Variants in ADAMTSL1 observed in about 807,000 individuals in gnomAD.
The protein encoded by ADAMTSL1 is ADAMTS-like protein 1.
A neutral mutation model predicts 201.8 loss-of-function variants in ADAMTSL1; 126 were observed. That is an observed-to-expected ratio of 0.62 (90% confidence interval 0.54 to 0.72). The LOEUF (loss-of-function observed/expected upper bound fraction) is 0.72, where lower values mean the gene tolerates loss of function less well. ADAMTSL1 is among the 30% of genes least tolerant of loss of function. ADAMTSL1 has a pLI of 0.00. For synonymous variants in ADAMTSL1, 1,121 were observed against 903.4 expected (o/e 1.24, Z -4.32); for missense variants, 2,679 against 2,277.8 (o/e 1.18, Z -3.59).
intron 13 of ADAMTSL1, among the ~76,000 whole-genome samples, chr9:18,690,427 TCC>T (rs1831142814): frequency 1.3e-5 from 2 of 152,160 alleles, no homozygotes; most frequent in Non-Finnish European, 2.9e-5. Context: ...CATTTATGGG[TCC>T]ATATAGTGTT....
intron 25 of ADAMTSL1, among the ~76,000 whole-genome samples, chr9:18,891,746 C>T (rs1006283064): frequency 1.3e-5 from 2 of 152,196 alleles, no homozygotes; most frequent in Non-Finnish European, 2.9e-5. Flanking sequence ...CCAGACAAAA[C>T]CTTGACTTCA....
At chr9:18,882,196 C>G (rs114549934) in intron 23 of ADAMTSL1, among the ~76,000 whole-genome samples, 121 of 152,230 alleles carry the variant, frequency 7.9e-4, no homozygotes, top group African/African-American at 2.8e-3. Context: ...AAAATGAGGA[C>G]TATGAGAAAA....
chr9:18,188,251 A>G (rs1302955921), intron 2 of ADAMTSL1, among the ~76,000 whole-genome samples: 3 of 152,160 alleles, frequency 2.0e-5, no homozygotes, highest in Admixed American at 6.6e-5. Context: ...ATATGGTTCC[A>G]GAACATCCTT....
At chr9:18,742,262 T>C (rs1818875135) in intron 15 of ADAMTSL1, among the ~76,000 whole-genome samples, 1 of 152,178 alleles carries the variant, frequency 6.6e-6, no homozygotes, top group African/African-American at 2.4e-5. Context: ...GAGAAATACT[T>C]AGGTTTGTAG....
upstream of ADAMTSL1, among the ~76,000 whole-genome samples, chr9:18,472,521 A>G: frequency 6.6e-6 from 1 of 152,228 alleles, no homozygotes; most frequent in Middle Eastern, 3.2e-3. Context: ...GCATGAAAAT[A>G]GGATTTTTAA....
intron 2 of ADAMTSL1, among the ~76,000 whole-genome samples, chr9:18,382,529 G>A (rs1447426569): frequency 6.6e-6 from 1 of 151,906 alleles, no homozygotes; most frequent in Non-Finnish European, 1.5e-5. Flanking sequence ...AAGAGTGTGA[G>A]GAATGTTTGT....
chr9:17,917,753 T>C (rs1409421085), intron 1 of ADAMTSL1, among the ~76,000 whole-genome samples: 1 of 151,966 alleles, frequency 6.6e-6, no homozygotes, highest in Non-Finnish European at 1.5e-5. Context: ...CTCTATATGA[T>C]TTCTTCCTTA....
At chr9:18,589,938 T>A (rs1207806508) in intron 4 of ADAMTSL1, among the ~76,000 whole-genome samples, 1 of 152,194 alleles carries the variant, frequency 6.6e-6, no homozygotes, top group Non-Finnish European at 1.5e-5. Context: ...GTGAATGGTC[T>A]TTTTAATGTA....
intron 1 of ADAMTSL1, among the ~76,000 whole-genome samples, chr9:18,015,698 G>A (rs1454059876): frequency 6.6e-6 from 1 of 151,960 alleles, no homozygotes; most frequent in Non-Finnish European, 1.5e-5. Context: ...TGGACTGAGG[G>A]CTGCCTGACC....
intron 2 of ADAMTSL1, among the ~76,000 whole-genome samples, chr9:18,295,364 G>C (rs1263843093): frequency 4.6e-5 from 7 of 150,704 alleles, no homozygotes; most frequent in Non-Finnish European, 1.5e-5. Flanking sequence ...TTTTTAGACA[G>C]AGTATCACTC....
At chr9:18,334,760 A>C (rs1350684500) in intron 2 of ADAMTSL1, among the ~76,000 whole-genome samples, 1 of 152,184 alleles carries the variant, frequency 6.6e-6, no homozygotes. Context: ...AAATAGAATA[A>C]AGACTTCTCT....
At chr9:18,417,023 A>C (rs1818705875) in intron 2 of ADAMTSL1, among the ~76,000 whole-genome samples, 1 of 152,054 alleles carries the variant, frequency 6.6e-6, no homozygotes, top group Non-Finnish European at 1.5e-5. Flanking sequence ...CTGGGCCATA[A>C]AACAACTTTT....
At chr9:18,058,541 A>G (rs772376360) in intron 1 of ADAMTSL1, among the ~76,000 whole-genome samples, 5 of 152,010 alleles carry the variant, frequency 3.3e-5, no homozygotes, top group Non-Finnish European at 7.4e-5. Context: ...TTTTTTTTCA[A>G]TGATTATAAC....
intron 1 of ADAMTSL1, among the ~76,000 whole-genome samples, chr9:18,491,653 T>C: frequency 6.6e-6 from 1 of 152,240 alleles, no homozygotes; most frequent in South Asian, 2.1e-4. Flanking sequence ...AATTAGAAGA[T>C]GGTAGTCCTT....
intron 7 of ADAMTSL1, among the ~76,000 whole-genome samples, chr9:18,653,275 T>G (rs1221013775): frequency 6.6e-6 from 1 of 152,184 alleles, no homozygotes; most frequent in Non-Finnish European, 1.5e-5. Flanking sequence ...TCAGCTCTGG[T>G]CATTGGTTTC....
At chr9:18,154,897 A>T (rs1563772346) in intron 1 of ADAMTSL1, among the ~76,000 whole-genome samples, 1 of 152,060 alleles carries the variant, frequency 6.6e-6, no homozygotes, top group Non-Finnish European at 1.5e-5. Flanking sequence ...TTTAAGTTAC[A>T]TATACAATTT....
intron 2 of ADAMTSL1, among the ~76,000 whole-genome samples, chr9:18,359,683 G>A (rs1429800729): frequency 6.6e-6 from 1 of 152,178 alleles, no homozygotes; most frequent in Non-Finnish European, 1.5e-5. Flanking sequence ...TCTTTTGTAA[G>A]CCTTCACCCA....
intron 1 of ADAMTSL1, among the ~76,000 whole-genome samples, chr9:18,133,248 T>C (rs937970595): frequency 6.6e-6 from 1 of 152,108 alleles, no homozygotes; most frequent in Non-Finnish European, 1.5e-5. Flanking sequence ...GGGCTCCAGT[T>C]AGGCTAATAA....
chr9:18,513,508 C>T (rs142667766), intron 2 of ADAMTSL1, among the ~76,000 whole-genome samples: 2 of 152,296 alleles, frequency 1.3e-5, no homozygotes, highest in African/African-American at 4.8e-5. Flanking sequence ...TAGTGTCCTA[C>T]TTGCCTATTT....
Sources: allele counts gnomAD v4.1 joint callset (sites outside exome capture counted in the v4.1 genomes callset), GRCh38; gene constraint gnomAD v4.1.1; transcripts MANE v1.5; gene names NCBI Gene and HGNC (gene_info 2026-07-23, HGNC 2026-07-21).